The following MRRF variants were observed in gnomAD, a reference collection of about 807,000 sequenced individuals.
The protein encoded by MRRF is mitochondrial ribosome recycling factor.
MRRF carries 18 observed loss-of-function variants against 25.1 expected under a neutral mutation model. The observed-to-expected ratio is 0.72, with a 90% CI of 0.50 to 1.06. MRRF has a LOEUF of 1.06. Among genes scored for constraint, MRRF ranks in the 50% least tolerant of loss-of-function variants. The pLI, the probability that MRRF is intolerant of heterozygous loss-of-function variation, is 0.00. For synonymous variants in MRRF, 113 were observed against 112.1 expected (o/e 1.01, Z -0.05); for missense variants, 323 against 319.3 (o/e 1.01, Z -0.09).
In MRRF at chr9:122,326,647, T is replaced by C. The variant is rs941178181; in HGVS notation, c.*4030T>C. 1.3e-5 allele frequency: 2 copies of C among 152,208 alleles called. No homozygotes were observed. The highest frequency in any genetic ancestry group is 4.8e-5 in the African/African-American group (2 of 41,448). The allele number at this position is 152,208 out of a possible 1,614,324, so 9.4% of individuals were successfully genotyped here. A position where few individuals can be genotyped will look rare whatever the true frequency, so the allele number is the denominator to read the frequency against. Reference sequence around the variant, plus strand: ...ATTGGAGAATGTTTAAAGATGATTTTTTTTTTTAAGAAAAAAGAAAGGCCC... The same window carrying C: ...ATTGGAGAATGTTTAAAGATGATTTCTTTTTTTAAGAAAAAAGAAAGGCCC... On this transcript the variant is annotated 3_prime_UTR_variant, in exon 7 of 7. Coordinates refer to ENST00000344641, the MANE Select transcript of MRRF (RefSeq NM_138777.5).
In MRRF at chr9:122,264,957, G is replaced by T. The variant is rs1176918343; in HGVS notation, c.-29+19G>T. 1 of 152,976 alleles carries T rather than the reference G, an allele frequency of 6.5e-6. No homozygotes were observed. The highest frequency in any genetic ancestry group is 1.5e-5 in the Non-Finnish European group (1 of 68,164). The allele number at this position is 152,976 out of a possible 1,614,324, so 9.5% of individuals were successfully genotyped here. On this transcript the variant is annotated intron_variant, in intron 1 of 6. Transcript: ENST00000344641. The stretch of plus-strand genomic sequence containing the variant: ...ATAGCTGGTGAGTGTCCTTGACAGG[G>T]CCTCGAGGGGCGCGTGTGGTCTGGG...
chr9:122,313,629 C>G (rs1321258321), intron 6 of MRRF, among the ~76,000 whole-genome samples: 1 of 152,186 alleles, frequency 6.6e-6, no homozygotes, highest in African/African-American at 2.4e-5. Context: ...TTCATTTACC[C>G]TCATCACTAC....
At chr9:122,309,466 G>C (rs73557040) in intron 5 of MRRF, among the ~76,000 whole-genome samples, 4,570 of 151,956 alleles carry the variant, frequency 0.03, 205 homozygotes, top group African/African-American at 0.1. Flanking sequence ...GCTATTCCCT[G>C]TGGTGAGAAT....
chr9:122,314,360 C>A (rs779958685), intron 6 of MRRF, among the ~76,000 whole-genome samples: 9 of 152,178 alleles, frequency 5.9e-5, no homozygotes, highest in Non-Finnish European at 1.3e-4. Context: ...CACTCAAGTA[C>A]ATTTTAAACA....
In MRRF at chr9:122,326,993, A is replaced by G. The variant is rs1336926785; in HGVS notation, c.*4376A>G. On this transcript the variant is annotated 3_prime_UTR_variant, in exon 7 of 7. Transcript: ENST00000344641. ...GTTCCCAAGTCTTCGCTGAACACTTACTCAAAAGGGACCTCGCGCTGTTCT... is the reference window on the plus strand; with the variant it reads ...GTTCCCAAGTCTTCGCTGAACACTTGCTCAAAAGGGACCTCGCGCTGTTCT... The G allele has an allele frequency of 6.6e-6, 1 of 152,164 alleles. No individual in the cohort carries two copies. Among genetic ancestry groups the G allele is most frequent in the Non-Finnish European group, 1.5e-5 (1 of 68,040 alleles). The allele number at this position is 152,164 out of a possible 1,614,324, so 9.4% of individuals were successfully genotyped here.
chr9:122,311,154 C>T (rs538364575), intron 5 of MRRF, among the ~76,000 whole-genome samples: 1 of 152,292 alleles, frequency 6.6e-6, no homozygotes, highest in Admixed American at 6.5e-5. Context: ...CAAGGATAGT[C>T]AGCTTCTGAG....
In MRRF at chr9:122,330,708, T is replaced by G. The variant is rs1378921638; in HGVS notation, c.*8091T>G. The G allele has an allele frequency of 6.6e-6, 1 of 152,054 alleles. No individual in the cohort carries two copies. The highest frequency in any genetic ancestry group is 1.5e-5 in the Non-Finnish European group (1 of 68,030). 9.4% of individuals were successfully genotyped at this position (152,054 alleles called of 1,614,324 possible). On this transcript the variant is annotated 3_prime_UTR_variant, in exon 7 of 7. Coordinates refer to ENST00000344641, the MANE Select transcript of MRRF (RefSeq NM_138777.5). The surrounding 1 kb of genome is among the most constrained non-coding windows in gnomAD (Gnocchi z 4.2). ...ACTTTGGGTGGCTGAGGTGGGCGAG[T>G]CACTTGAGGTCAGGAGTTCGGGACC...
rs561691986 is a variant in MRRF, at chr9:122,290,011, G to A, written c.460-1738G>A. On this transcript the variant is annotated intron_variant, in intron 4 of 6. Transcript: ENST00000344641. The stretch of plus-strand genomic sequence containing the variant: ...CAAGGCTGCAGTGAGCCGTGATTAT[G>A]CCACTGCCCTCAAGCCTGAGTGACA... Among the ~76,000 whole-genome samples the A allele has an allele frequency of 5.8e-4, 88 of 150,860 alleles. 1 individual carries two copies. Among genetic ancestry groups the A allele is most frequent in the African/African-American group, 2.1e-3 (87 of 40,968 alleles).
intron 6 of MRRF, among the ~76,000 whole-genome samples, chr9:122,316,655 A>AG: frequency 6.6e-6 from 1 of 152,080 alleles, no homozygotes; most frequent in Non-Finnish European, 1.5e-5. Context: ...ATATAAAACA[A>AG]GGTTATGGCT....
At chr9:122,314,251 G>A (rs1835378202) in intron 6 of MRRF, among the ~76,000 whole-genome samples, 1 of 152,066 alleles carries the variant, frequency 6.6e-6, no homozygotes, top group East Asian at 1.9e-4. Flanking sequence ...TCTTGGATTG[G>A]GTTCAAATCT....
chr9:122,308,009 G>A (rs1834964555), intron 5 of MRRF, among the ~76,000 whole-genome samples: 1 of 152,194 alleles, frequency 6.6e-6, no homozygotes, highest in Non-Finnish European at 1.5e-5. Context: ...AGTTAGCAGT[G>A]GGGCATGCCC....
chr9:122,326,190 C>T lies in MRRF; in HGVS notation c.*3573C>T, dbSNP rs1453735522. 1 of 151,490 alleles carries T rather than the reference C, an allele frequency of 6.6e-6. No homozygotes were observed. Among genetic ancestry groups the T allele is most frequent in the Admixed American group, 6.6e-5 (1 of 15,196 alleles). The allele number at this position is 151,490 out of a possible 1,614,324, so 9.4% of individuals were successfully genotyped here. ...TGGCGCAATCTCGGCTCACTGCAAC[C>T]TCTGCCTCCCTGGTTCAAGCAGTTT... On this transcript the variant is annotated 3_prime_UTR_variant, in exon 7 of 7. Coordinates refer to ENST00000344641, the MANE Select transcript of MRRF (RefSeq NM_138777.5).
rs746097891 is a variant in MRRF, at chr9:122,285,282, C to A, written c.454C>A (p.Pro152Thr). ...QLILVNMASF[P>T]ECTAAAIKAI... ...GATTTTGGTGAATATGGCCAGCTTC[C>A]CAGAGGTAAGATGGCCTTGCTAAAA... Residue 152 changes from proline (P) to threonine (T), a missense_variant, in exon 4 of 7, where the codon CCA (proline) becomes ACA (threonine). Pro to Thr is a conservative substitution (Grantham distance 38, BLOSUM62 -1). Coordinates refer to ENST00000344641, the MANE Select transcript of MRRF (RefSeq NM_138777.5). 4 of 1,598,966 alleles carry A rather than the reference C, an allele frequency of 2.5e-6. No individual in the cohort carries two copies. Among genetic ancestry groups the A allele is most frequent in the African/African-American group, 2.7e-5 (2 of 74,530 alleles).
At chr9:122,305,807 G>A (rs888370901) in intron 5 of MRRF, among the ~76,000 whole-genome samples, 1 of 152,206 alleles carries the variant, frequency 6.6e-6, no homozygotes, top group Non-Finnish European at 1.5e-5. Flanking sequence ...GCTTTGAGAG[G>A]AGAGAGGAAG....
chr9:122,310,657 G>A lies in MRRF; in HGVS notation c.552-2570G>A, dbSNP rs147901513. Among the ~76,000 whole-genome samples the A allele has an allele frequency of 2.6e-5, 4 of 152,344 alleles. No individual in the cohort carries two copies. The East Asian group carries it at 7.7e-4, about 29-fold the overall frequency. Reference sequence around the variant, plus strand: ...ACTAGTCTGAGCCTCTGGAAAAGGTGGGCCAGGTCTGCCTCTTCTGGAGCT... The same window carrying A: ...ACTAGTCTGAGCCTCTGGAAAAGGTAGGCCAGGTCTGCCTCTTCTGGAGCT... On this transcript the variant is annotated intron_variant, in intron 5 of 6. Transcript: ENST00000344641.
At chr9:122,315,733 C>T (rs1835473599) in intron 6 of MRRF, among the ~76,000 whole-genome samples, 1 of 152,056 alleles carries the variant, frequency 6.6e-6, no homozygotes, top group South Asian at 2.1e-4. Flanking sequence ...CACTGCTTTC[C>T]CTTGTCATTG....
chr9:122,319,393 G>T (rs187188500), intron 6 of MRRF, among the ~76,000 whole-genome samples: 1 of 151,988 alleles, frequency 6.6e-6, no homozygotes, highest in Admixed American at 6.6e-5. Context: ...CTTGTGATCC[G>T]CCTGCCTTGG....
chr9:122,295,813 TC>T (rs936088120), intron 5 of MRRF, among the ~76,000 whole-genome samples: 2 of 152,160 alleles, frequency 1.3e-5, no homozygotes, highest in African/African-American at 4.8e-5. Flanking sequence ...CTCTGATTGA[TC>T]CTGATTCTTC....
intron 5 of MRRF, among the ~76,000 whole-genome samples, chr9:122,302,526 G>C (rs1428053488): frequency 6.6e-6 from 1 of 152,108 alleles, no homozygotes; most frequent in African/African-American, 2.4e-5. Context: ...GTTGTAGCAC[G>C]TGTCAGTACT....
Sources: gnomAD v4.1 joint callset for allele counts (sites outside exome capture counted in the v4.1 genomes callset) on GRCh38, gnomAD v4.1.1 for gene constraint, Gnocchi (gnomAD v3.1) non-coding constraint, MANE v1.5 for transcripts, NCBI Gene and HGNC (gene_info 2026-07-23, HGNC 2026-07-21) for gene names.